The following DLGAP2 variants were observed in gnomAD, a reference collection of about 807,000 sequenced individuals.
DLGAP2 encodes disks large-associated protein 2.
A neutral mutation model predicts 100.3 loss-of-function variants in DLGAP2; 26 were observed. That is an observed-to-expected ratio of 0.26 (90% CI 0.19 to 0.36). The LOEUF (loss-of-function observed/expected upper bound fraction) is 0.36, where lower values mean the gene tolerates loss of function less well. Ranked by LOEUF, DLGAP2 falls within the 10% of genes least tolerant of loss-of-function variation. The pLI is 1.00. For missense variants in DLGAP2, 1,858 were observed against 1,453.2 expected (o/e 1.28, Z -4.53); for synonymous variants, 886 against 630.1 (o/e 1.41, Z -6.08).
At chr8:1,441,785 G>GT (rs200888843) in intron 3 of DLGAP2, among the ~76,000 whole-genome samples, 1,599 of 143,678 alleles carry the variant, frequency 0.011, 18 homozygotes, top group African/African-American at 0.031. Context: ...AGCTTGACCA[G>GT]TTTTTTTTTT....
chr8:1,604,112 T>G (rs1185478705), intron 6 of DLGAP2, among the ~76,000 whole-genome samples: 2 of 152,180 alleles, frequency 1.3e-5, no homozygotes, highest in Non-Finnish European at 2.9e-5. Context: ...TGAATGACCC[T>G]TCTTCATTTT....
At position 1,381,782 on chromosome 8, in the gene DLGAP2, AGTGTGTGTGTGTGTGTGTGTGTGT is replaced by A. The variant is rs72529197; in HGVS notation, c.107-119565_107-119542del. Among the ~76,000 whole-genome samples the A allele has an allele frequency of 1.9e-3, 266 of 141,788 alleles. 3 individuals are homozygous for A. The South Asian group carries it at 0.029, about 16-fold the overall frequency. 93.0% of individuals were successfully genotyped at this position (141,788 alleles called of 152,430 possible). A position where few individuals can be genotyped will look rare whatever the true frequency, so the allele number is the denominator to read the frequency against. On this transcript the variant is annotated intron_variant, in intron 3 of 14. Transcript: ENST00000637795. The stretch of plus-strand genomic sequence containing the variant: ...CCTTAGTAAATCTGAGGGTTATTCT[AGTGTGTGTGTGTGTGTGTGTGTGT>A]GTGTGTGTGTGTGTGTGTTTGTATC...
At chr8:842,933 T>G (rs539964219) in intron 1 of DLGAP2, among the ~76,000 whole-genome samples, 1 of 152,242 alleles carries the variant, frequency 6.6e-6, no homozygotes, top group Admixed American at 6.5e-5. Flanking sequence ...ATCTTCTTAG[T>G]GTCTTCCAGC....
At chr8:1,365,327 C>T (rs1802085176) in intron 3 of DLGAP2, among the ~76,000 whole-genome samples, 1 of 152,116 alleles carries the variant, frequency 6.6e-6, no homozygotes, top group Admixed American at 6.5e-5. Context: ...CTGCAGGTGG[C>T]CCAGGGTCCC....
At chr8:781,028 C>G (rs1397227414) in intron 1 of DLGAP2, among the ~76,000 whole-genome samples, 2 of 152,184 alleles carry the variant, frequency 1.3e-5, no homozygotes, top group Non-Finnish European at 2.9e-5. Context: ...ATTTTCAATG[C>G]ATTTTGTAGC....
At chr8:1,681,689 A>C (rs759471684) in intron 12 of DLGAP2, among the ~76,000 whole-genome samples, 1 of 152,230 alleles carries the variant, frequency 6.6e-6, no homozygotes, top group Non-Finnish European at 1.5e-5. Context: ...CTCCCTGAAC[A>C]CATATGATAT....
chr8:1,341,000 C>T (rs754616226), intron 3 of DLGAP2, among the ~76,000 whole-genome samples: 1 of 152,172 alleles, frequency 6.6e-6, no homozygotes, highest in African/African-American at 2.4e-5. Context: ...CCAAATACTG[C>T]ATGTTCTCAC....
chr8:1,054,117 G>A (rs897159504), intron 2 of DLGAP2, among the ~76,000 whole-genome samples: 16 of 152,206 alleles, frequency 1.1e-4, no homozygotes, highest in South Asian at 2.1e-4. Flanking sequence ...GGCACCCGGC[G>A]TTTCTGGGAA....
intron 2 of DLGAP2, among the ~76,000 whole-genome samples, chr8:1,088,128 C>T (rs1253894899): frequency 9.9e-5 from 15 of 152,234 alleles, no homozygotes; most frequent in Non-Finnish European, 2.1e-4. Context: ...GCTTGTTCCA[C>T]GTCACCAAGG....
At chr8:1,184,428 A>G (rs1259307220) in intron 2 of DLGAP2, among the ~76,000 whole-genome samples, 1 of 152,182 alleles carries the variant, frequency 6.6e-6, no homozygotes, top group Non-Finnish European at 1.5e-5. Context: ...TAATGCTGGA[A>G]GCATCCCGTG....
chr8:1,074,457 C>T (rs1162350220), intron 2 of DLGAP2, among the ~76,000 whole-genome samples: 2 of 152,226 alleles, frequency 1.3e-5, no homozygotes, highest in Admixed American at 6.5e-5. Flanking sequence ...CAGCTAACAT[C>T]AGAATACAGA....
chr8:1,284,422 G>A (rs938898314), intron 3 of DLGAP2, among the ~76,000 whole-genome samples: 2 of 152,128 alleles, frequency 1.3e-5, no homozygotes, highest in Admixed American at 1.3e-4. Context: ...GACAGTGAGA[G>A]TGTGCAGGTG....
chr8:814,917 G>C (rs1305312723), intron 1 of DLGAP2, among the ~76,000 whole-genome samples: 2 of 148,958 alleles, frequency 1.3e-5, no homozygotes, highest in East Asian at 3.9e-4. Context: ...AAACTTGGTA[G>C]ATATTTATAG....
At chr8:1,005,335 G>C (rs575183763) in intron 2 of DLGAP2, among the ~76,000 whole-genome samples, 1 of 151,800 alleles carries the variant, frequency 6.6e-6, no homozygotes, top group Admixed American at 6.6e-5. Context: ...AGGGAGCCGC[G>C]TCCTTAGCAA....
chr8:1,532,857 A>G (rs918153889), intron 4 of DLGAP2, among the ~76,000 whole-genome samples: 9 of 152,176 alleles, frequency 5.9e-5, no homozygotes, highest in Non-Finnish European at 7.3e-5. Context: ...TCTTCCTAGG[A>G]GAGGAATACA....
intron 3 of DLGAP2, among the ~76,000 whole-genome samples, chr8:1,358,203 C>T (rs1169778286): frequency 6.6e-6 from 1 of 152,138 alleles, no homozygotes; most frequent in Non-Finnish European, 1.5e-5. Context: ...GATGTGGACG[C>T]ACAAAGGAGA....
intron 3 of DLGAP2, among the ~76,000 whole-genome samples, chr8:1,493,610 G>T (rs190387084): frequency 2.0e-5 from 3 of 152,322 alleles, no homozygotes; most frequent in Admixed American, 6.5e-5. Context: ...AATGGTGAAG[G>T]CTTCACATTC....
rs142324394 is a variant in DLGAP2, at chr8:1,570,546, T to A, written c.1442+4652T>A. 6.8e-3 allele frequency among the ~76,000 whole-genome samples: 1,033 copies of A among 152,340 alleles called. 16 individuals are homozygous for A. The highest frequency in any genetic ancestry group is 0.024 in the African/African-American group (984 of 41,572). Reference sequence around the variant, plus strand: ...CCACCTAAGCTTTGAGAAGGCTCAGTTGGATTTCACATGTTCACCACAGTG... The same window carrying A: ...CCACCTAAGCTTTGAGAAGGCTCAGATGGATTTCACATGTTCACCACAGTG... On this transcript the variant is annotated intron_variant, in intron 6 of 14. Coordinates refer to ENST00000637795, the MANE Select transcript of DLGAP2 (RefSeq NM_001346810.2).
intron 6 of DLGAP2, among the ~76,000 whole-genome samples, chr8:1,583,798 T>C (rs1796026994): frequency 6.6e-6 from 1 of 152,104 alleles, no homozygotes; most frequent in Admixed American, 6.5e-5. Flanking sequence ...TTTGAGACCC[T>C]CCACGCGCTG....
Sources: allele counts gnomAD v4.1 joint callset (sites outside exome capture counted in the v4.1 genomes callset), GRCh38; gene constraint gnomAD v4.1.1; transcripts MANE v1.5; gene names NCBI Gene and HGNC (gene_info 2026-07-23, HGNC 2026-07-21).